The following SIPA1L1 variants were observed in gnomAD, a reference collection of about 807,000 sequenced individuals.
SIPA1L1 encodes signal-induced proliferation-associated 1-like protein 1.
SIPA1L1 carries 26 observed loss-of-function variants against 162.7 expected under a neutral mutation model. That is an observed-to-expected ratio of 0.16 (90% CI 0.12 to 0.22). The LOEUF is 0.22. Among genes scored for constraint, SIPA1L1 ranks in the 10% least tolerant of loss-of-function variants. The probability of loss-of-function intolerance (pLI) is 1.00; values close to 1 mark genes in which losing one functional copy is unlikely to be tolerated. For synonymous variants in SIPA1L1, 829 were observed against 837.4 expected, an observed-to-expected ratio of 0.99 and a Z score of 0.17; for missense variants, 1,874 against 2,241.0, an observed-to-expected ratio of 0.84 and a Z score of 3.31.
rs1212995886 is a variant in SIPA1L1, at chr14:71,377,608, T to C, written c.-465+56427T>C. On this transcript the variant is annotated intron_variant, in intron 2 of 23. Transcript: ENST00000381232. This position sits in a 1 kb window ranked among gnomAD's most constrained non-coding sequence, Gnocchi z 4.8. ...GGCAGAGGCTGCAATCTCAGCACTT[T>C]GGGAGGCCAAGGCAGGCGGCTGGGA... 2.0e-5 allele frequency among the ~76,000 whole-genome samples: 3 copies of C among 152,082 alleles called. No individual in the cohort carries two copies. Among genetic ancestry groups the C allele is most frequent in the African/African-American group, 7.2e-5 (3 of 41,420 alleles).
At chr14:71,636,381 C>T (rs187600761) in intron 7 of SIPA1L1, among the ~76,000 whole-genome samples, 4 of 151,880 alleles carry the variant, frequency 2.6e-5, no homozygotes, top group Admixed American at 2.6e-4. Flanking sequence ...CTAGAAATAA[C>T]AGAAACATAA....
At position 71,739,201 on chromosome 14, in the gene SIPA1L1, C is replaced by T; in HGVS notation, c.*40C>T. 3.2e-6 allele frequency: 5 copies of T among 1,571,446 alleles called. No homozygotes were observed. The highest frequency in any genetic ancestry group is 4.3e-6 in the Non-Finnish European group (5 of 1,155,134). ...GACAGGAGAAGGGCCCAGACACTCC[C>T]TCCAGTGAGTGTCCTGCAGCCCTTA... On this transcript the variant is annotated 3_prime_UTR_variant, in exon 24 of 24. Transcript: ENST00000381232.
intron 3 of SIPA1L1, among the ~76,000 whole-genome samples, chr14:71,514,893 C>T (rs1182660610): frequency 2.0e-5 from 3 of 152,190 alleles, no homozygotes; most frequent in Non-Finnish European, 4.4e-5. Flanking sequence ...AGATTTTAGA[C>T]TATAGATGCT....
intron 2 of SIPA1L1, among the ~76,000 whole-genome samples, chr14:71,477,623 C>T (rs2047984857): frequency 6.6e-6 from 1 of 152,216 alleles, no homozygotes; most frequent in African/African-American, 2.4e-5. Flanking sequence ...TTGAAGCTGA[C>T]TTCTTTCCCT....
At chr14:71,614,727 C>A (rs1451681210) in intron 5 of SIPA1L1, among the ~76,000 whole-genome samples, 1 of 152,092 alleles carries the variant, frequency 6.6e-6, no homozygotes, top group Admixed American at 6.6e-5. Context: ...CACCATTCCC[C>A]AAATTCAGAA....
In SIPA1L1 at chr14:71,657,345, C is replaced by CAAA. The variant is rs561713864; in HGVS notation, c.1994-968_1994-966dup. ...CCTGGGCGACAGAGTGAGACTGTCT[C>CAAA]AAAAAAAAAAAAAAAAAAAAAATTG... is the stretch of plus-strand genomic sequence containing the variant. On this transcript the variant is annotated intron_variant, in intron 8 of 23. Transcript: ENST00000381232. Among the ~76,000 whole-genome samples the CAAA allele has an allele frequency of 5.2e-4, 46 of 88,072 alleles. 1 individual carries two copies. The East Asian group carries it at 6.5e-3, about 12-fold the overall frequency. The allele number at this position is 88,072 out of a possible 152,430, so 57.8% of individuals were successfully genotyped here.
chr14:71,498,411 T>A (rs910720542), intron 2 of SIPA1L1, among the ~76,000 whole-genome samples: 1 of 152,164 alleles, frequency 6.6e-6, no homozygotes, highest in Non-Finnish European at 1.5e-5. Flanking sequence ...ACTGCTTTTA[T>A]GAAATGATCA....
intron 4 of SIPA1L1, among the ~76,000 whole-genome samples, chr14:71,558,795 T>C (rs1002459446): frequency 6.6e-6 from 1 of 152,178 alleles, no homozygotes; most frequent in African/African-American, 2.4e-5. Context: ...CCAAGTCTCC[T>C]ACCTGAGCCT....
At chr14:71,491,252 A>C (rs535831167) in intron 2 of SIPA1L1, among the ~76,000 whole-genome samples, 2 of 152,286 alleles carry the variant, frequency 1.3e-5, no homozygotes, top group Admixed American at 1.3e-4. Flanking sequence ...TGGCTCTTGG[A>C]AACTCTGAGC....
chr14:71,411,982 T>C (rs1484823439), intron 2 of SIPA1L1, among the ~76,000 whole-genome samples: 1 of 152,244 alleles, frequency 6.6e-6, no homozygotes, highest in Non-Finnish European at 1.5e-5. Context: ...TGTTTATTCA[T>C]GTTCCTAAGT....
At chr14:71,360,352 T>C (rs1329735275) in intron 2 of SIPA1L1, among the ~76,000 whole-genome samples, 1 of 152,136 alleles carries the variant, frequency 6.6e-6, no homozygotes. Context: ...ACCTAGAAAA[T>C]ACTATAGAAA....
chr14:71,477,042 G>C (rs1595669765), intron 2 of SIPA1L1, among the ~76,000 whole-genome samples: 1 of 152,086 alleles, frequency 6.6e-6, no homozygotes, highest in Non-Finnish European at 1.5e-5. Context: ...ATCATTTGAG[G>C]TCAGGAGTTT....
At chr14:71,596,054 CTA>C (rs1447635175) in intron 5 of SIPA1L1, among the ~76,000 whole-genome samples, 1 of 152,148 alleles carries the variant, frequency 6.6e-6, no homozygotes, top group Non-Finnish European at 1.5e-5. Flanking sequence ...GATGCTGAGA[CTA>C]TACAGGACTG....
intron 4 of SIPA1L1, among the ~76,000 whole-genome samples, chr14:71,582,250 A>T (rs537308317): frequency 3.9e-4 from 60 of 152,104 alleles, no homozygotes; most frequent in Non-Finnish European, 7.4e-4. Context: ...TGGGAGGATC[A>T]CTTGAGCCTG....
At chr14:71,598,010 A>G (rs776887293) in intron 5 of SIPA1L1, among the ~76,000 whole-genome samples, 2 of 152,244 alleles carry the variant, frequency 1.3e-5, no homozygotes, top group Non-Finnish European at 2.9e-5. Context: ...TGAGGAGCCA[A>G]TATGTCTTGT....
At chr14:71,475,318 C>G (rs1312504543) in intron 2 of SIPA1L1, among the ~76,000 whole-genome samples, 1 of 152,212 alleles carries the variant, frequency 6.6e-6, no homozygotes, top group Non-Finnish European at 1.5e-5. Flanking sequence ...AAGAAGCAGT[C>G]TCTCCCATTT....
At chr14:71,470,533 C>T (rs2047370655) in intron 2 of SIPA1L1, among the ~76,000 whole-genome samples, 1 of 152,200 alleles carries the variant, frequency 6.6e-6, no homozygotes, top group Non-Finnish European at 1.5e-5. Context: ...TTTCCAACTA[C>T]TTGCAAGAGT....
intron 7 of SIPA1L1, among the ~76,000 whole-genome samples, chr14:71,645,032 T>C (rs1033142941): frequency 1.3e-5 from 2 of 152,230 alleles, no homozygotes; most frequent in African/African-American, 2.4e-5. Flanking sequence ...AAAATCAAAC[T>C]GTGTCCTTTC....
chr14:71,406,024 T>C (rs2042005786), intron 2 of SIPA1L1, among the ~76,000 whole-genome samples: 1 of 152,146 alleles, frequency 6.6e-6, no homozygotes, highest in South Asian at 2.1e-4. Context: ...GAATCTGGGG[T>C]AGCGTCTCGT....
Sources: allele counts gnomAD v4.1 joint callset (sites outside exome capture counted in the v4.1 genomes callset), GRCh38; gene constraint gnomAD v4.1.1; non-coding constraint Gnocchi (gnomAD v3.1); transcripts MANE v1.5; gene names NCBI Gene and HGNC (gene_info 2026-07-23, HGNC 2026-07-21).